FGD6: variants seen among roughly 807,000 people sequenced by gnomAD.
FGD6 encodes FYVE, RhoGEF and PH domain containing 6.
FGD6 carries 90 observed loss-of-function variants against 149.4 expected under a neutral mutation model. That is an observed-to-expected ratio of 0.60 (90% confidence interval 0.51 to 0.72). The LOEUF (loss-of-function observed/expected upper bound fraction) is 0.72. FGD6 is among the 30% of genes least tolerant of loss of function. FGD6 has a pLI of 0.00. For synonymous variants in FGD6, 527 were observed against 584.0 expected, an observed-to-expected ratio of 0.90 and a Z score of 1.41; for missense variants, 1,437 against 1,684.8, an observed-to-expected ratio of 0.85 and a Z score of 2.57.
intron 9 of FGD6, among the ~76,000 whole-genome samples, chr12:95,109,823 C>T (rs1190544130): frequency 1.3e-5 from 2 of 152,164 alleles, no homozygotes; most frequent in Non-Finnish European, 2.9e-5. Flanking sequence ...GATCACACCA[C>T]TGCATTCCAG....
chr12:95,137,172 G>A (rs1030899210), intron 7 of FGD6, among the ~76,000 whole-genome samples: 4 of 152,044 alleles, frequency 2.6e-5, no homozygotes, highest in Admixed American at 6.6e-5. Flanking sequence ...CCAACTACTC[G>A]GGAAGCTGAG....
At chr12:95,163,379 C>T (rs764040686) in intron 3 of FGD6, among the ~76,000 whole-genome samples, 1 of 152,184 alleles carries the variant, frequency 6.6e-6, no homozygotes, top group Non-Finnish European at 1.5e-5. Context: ...GCTCCCTTGA[C>T]ATTCTTTCCC....
intron 14 of FGD6, among the ~76,000 whole-genome samples, chr12:95,099,524 C>A (rs565949213): frequency 5.3e-5 from 8 of 152,174 alleles, no homozygotes; most frequent in Non-Finnish European, 7.4e-5. Flanking sequence ...GCTTGATCCT[C>A]CCTTGGAAAT....
At chr12:95,180,385 T>C (rs1881248822) in intron 2 of FGD6, among the ~76,000 whole-genome samples, 1 of 150,480 alleles carries the variant, frequency 6.6e-6, no homozygotes, top group Admixed American at 6.6e-5. Context: ...TTTTTTTTTT[T>C]TTTTTTTTGA....
chr12:95,178,034 G>A (rs555202732), intron 2 of FGD6, among the ~76,000 whole-genome samples: 26 of 151,808 alleles, frequency 1.7e-4, no homozygotes, highest in Admixed American at 1.4e-3. Flanking sequence ...CCAAAGTGCT[G>A]GGATGACAGC....
chr12:95,216,458 AC>A (rs2056785424), intron 1 of FGD6, among the ~76,000 whole-genome samples: 1 of 152,196 alleles, frequency 6.6e-6, no homozygotes, highest in South Asian at 2.1e-4. Context: ...TGAACGTAAC[AC>A]CACTTTGGTA....
intron 3 of FGD6, among the ~76,000 whole-genome samples, chr12:95,157,016 C>A (rs557704058): frequency 1.3e-5 from 2 of 152,244 alleles, no homozygotes; most frequent in East Asian, 3.9e-4. Context: ...CATATCCTTA[C>A]AAATAATTAC....
At position 95,211,212 on chromosome 12, in the gene FGD6, CTTA is replaced by C; in HGVS notation, c.69_71del (p.Asn23del). 6.2e-7 allele frequency: 1 copy of C among 1,610,272 alleles called. No individual in the cohort carries two copies. The highest frequency in any genetic ancestry group is 8.5e-7 in the Non-Finnish European group (1 of 1,179,134). ...TAGGTGCAATAGGAGGTGGGGCTGGCTTATTATTTGCCACAACAAACTTGGGCT... is the reference window on the plus strand; with the variant it reads ...TAGGTGCAATAGGAGGTGGGGCTGGCTTATTTGCCACAACAAACTTGGGCT... On this transcript the variant is annotated inframe_deletion, in exon 2 of 21. Transcript: ENST00000343958.
intron 2 of FGD6, 111 bp from the exon 3 acceptor site, chr12:95,172,855 G>A (rs1222828073): frequency 1.2e-6 from 1 of 858,828 alleles, no homozygotes; most frequent in Non-Finnish European, 1.6e-6. Flanking sequence ...TATATCTAAG[G>A]GATGTGGAAG....
intron 9 of FGD6, among the ~76,000 whole-genome samples, chr12:95,110,605 C>T (rs1274135311): frequency 5.3e-5 from 8 of 151,972 alleles, no homozygotes; most frequent in Non-Finnish European, 8.8e-5. Flanking sequence ...ATCCACCCGC[C>T]GCAGCCTCCC....
intron 2 of FGD6, among the ~76,000 whole-genome samples, chr12:95,208,179 G>C (rs745424207): frequency 5.9e-5 from 9 of 152,044 alleles, no homozygotes; most frequent in Admixed American, 1.3e-4. Context: ...TTGAGCCTGG[G>C]GAGTCGAGGC....
chr12:95,079,551 A>G lies in FGD6; in HGVS notation c.*1969T>C, dbSNP rs1877603768. On this transcript the variant is annotated 3_prime_UTR_variant, in exon 21 of 21. Transcript: ENST00000343958. ...CAGACGCAGAAACAGTTTATAAGGT[A>G]CAACTTTAGCCTCCAAAAAGGAATA... The G allele has an allele frequency of 6.6e-6, 1 of 152,264 alleles. No homozygotes were observed. The highest frequency in any genetic ancestry group is 2.1e-4 in the South Asian group (1 of 4,834). 9.4% of individuals were successfully genotyped at this position (152,264 alleles called of 1,614,324 possible).
At chr12:95,105,413 C>T (rs2136240112) in intron 13 of FGD6, among the ~76,000 whole-genome samples, 1 of 152,278 alleles carries the variant, frequency 6.6e-6, no homozygotes, top group Non-Finnish European at 1.5e-5. Flanking sequence ...CCTAGCTGCT[C>T]TCAAAAGCTA....
chr12:95,095,959 A>G (rs1001415483), intron 14 of FGD6, among the ~76,000 whole-genome samples: 1 of 151,798 alleles, frequency 6.6e-6, no homozygotes, highest in African/African-American at 2.4e-5. Context: ...GGTTGTAGTG[A>G]GCCGAGACAG....
At chr12:95,187,417 TCA>T (rs1881472063) in intron 2 of FGD6, among the ~76,000 whole-genome samples, 2 of 20,368 alleles carry the variant, frequency 9.8e-5, no homozygotes, top group African/African-American at 3.3e-4. Flanking sequence ...GGCGGGCAGA[TCA>T]TGAGGTGGGC....
intron 6 of FGD6, among the ~76,000 whole-genome samples, chr12:95,139,309 G>A (rs529825981): frequency 6.6e-6 from 1 of 152,020 alleles, no homozygotes. Context: ...GCGTGGTGGG[G>A]CACACCTGCA....
chr12:95,212,244 T>C (rs1435750250), intron 1 of FGD6, among the ~76,000 whole-genome samples: 1 of 152,208 alleles, frequency 6.6e-6, no homozygotes, highest in Non-Finnish European at 1.5e-5. Context: ...TGGGGATAGA[T>C]CCTGGACATC....
chr12:95,105,107 T>C (rs771894669), intron 13 of FGD6, 21 bp from the exon 14 acceptor site: 16 of 1,588,672 alleles, frequency 1.0e-5, no homozygotes, highest in Non-Finnish European at 1.4e-5. Flanking sequence ...GCACAACAAT[T>C]TGAGCCGACT....
chr12:95,108,354 A>T lies in FGD6; in HGVS notation c.3258T>A (p.Pro1086=). 6.2e-7 allele frequency: 1 copy of T among 1,613,950 alleles called. No homozygotes were observed. Among genetic ancestry groups the T allele is most frequent in the Non-Finnish European group, 8.5e-7 (1 of 1,179,930 alleles). Residue 1086 remains proline, a synonymous_variant, in exon 11 of 21, where the codon CCT becomes CCA. Coordinates refer to ENST00000343958, the MANE Select transcript of FGD6 (RefSeq NM_018351.4). Reference sequence around the variant, plus strand: ...AGCAATGTAAAATGCTTACCCGACCAGGCTGCACAATTTCATGGTGTCCAT... The same window carrying T: ...AGCAATGTAAAATGCTTACCCGACCTGGCTGCACAATTTCATGGTGTCCAT... ...SLNGHHEIVQ[P]GRVFLKEGIL... is the part of the protein sequence containing the mutation.
Sources: gnomAD v4.1 joint callset for allele counts (sites outside exome capture counted in the v4.1 genomes callset) on GRCh38, gnomAD v4.1.1 for gene constraint, MANE v1.5 for transcripts, NCBI Gene and HGNC (gene_info 2026-07-23, HGNC 2026-07-21) for gene names.